Variants in NPAS3 observed in about 807,000 individuals in gnomAD.
The protein encoded by NPAS3 is neuronal PAS domain protein 3.
NPAS3 carries 14 observed loss-of-function variants against 73.1 expected under a neutral mutation model. The observed-to-expected ratio is 0.19, with a 90% confidence interval of 0.13 to 0.30. The LOEUF (loss-of-function observed/expected upper bound fraction) is 0.30, where lower values mean the gene tolerates loss of function less well. Among genes scored for constraint, NPAS3 ranks in the 10% least tolerant of loss-of-function variants. NPAS3 has a pLI of 1.00. For synonymous variants in NPAS3, 620 were observed against 541.5 expected, an observed-to-expected ratio of 1.14 and a Z score of -2.01; for missense variants, 1,096 against 1,250.0, an observed-to-expected ratio of 0.88 and a Z score of 1.86.
At chr14:32,962,710 GCAC>G (rs1249218969) in intron 1 of NPAS3, among the ~76,000 whole-genome samples, 1 of 150,346 alleles carries the variant, frequency 6.7e-6, no homozygotes, top group African/African-American at 2.4e-5. Flanking sequence ...TTACAGGCAT[GCAC>G]CATCATGCCT....
At chr14:33,145,837 A>G (rs1166594969) in intron 2 of NPAS3, among the ~76,000 whole-genome samples, 1 of 152,218 alleles carries the variant, frequency 6.6e-6, no homozygotes, top group Non-Finnish European at 1.5e-5. Flanking sequence ...GGGCCAGGGT[A>G]TAACCCAAGG....
At chr14:33,586,450 G>T (rs2056865523) in intron 5 of NPAS3, among the ~76,000 whole-genome samples, 1 of 152,014 alleles carries the variant, frequency 6.6e-6, no homozygotes, top group Non-Finnish European at 1.5e-5. Context: ...GAAAGATACT[G>T]TTGAATAAAG....
rs1349494224 is a variant in NPAS3 at position 33,799,705 on chromosome 14, C to T, written c.1427-29C>T. 31 of 1,547,092 alleles carry T rather than the reference C, an allele frequency of 2.0e-5. No homozygotes were observed. The South Asian group carries it at 2.1e-4, about 11-fold the overall frequency. On this transcript the variant is annotated intron_variant, in intron 11 of 11. Transcript: ENST00000356141. ...CTTCTCTCTCTTCTCTCTCCGCCCC[C>T]GCCACCGCCGGCCCCCCGCCCCACA...
Position 33,369,182 on chromosome 14 carries a change from C to T in NPAS3, c.468+1914C>T, listed in dbSNP as rs529480103. On this transcript the variant is annotated intron_variant, in intron 4 of 11. Coordinates refer to ENST00000356141, the Ensembl canonical transcript of NPAS3. The stretch of plus-strand genomic sequence containing the variant: ...CTAGAATGGGGCTGCAAGCTCGTTC[C>T]CATTTTGGATGGGTCACATTCAGAC... 2.6e-5 allele frequency among the ~76,000 whole-genome samples: 4 copies of T among 151,986 alleles called. No homozygotes were observed. In the South Asian group the frequency reaches 6.2e-4, roughly 24 times the overall value.
intron 4 of NPAS3, among the ~76,000 whole-genome samples, chr14:33,383,758 G>A (rs1332587001): frequency 3.9e-5 from 6 of 152,080 alleles, no homozygotes; most frequent in South Asian, 4.1e-4. Flanking sequence ...TCCAGCTTCC[G>A]GAAGTCTGGT....
Position 33,580,311 on chromosome 14 carries a change from G to A in NPAS3, c.558+20101G>A, listed in dbSNP as rs75926722. ...CAAAAGAAGCTGCCAAAGGTGTGAC[G>A]TAAAGCTGATATCTCTAATATGTTA... On this transcript the variant is annotated intron_variant, in intron 5 of 11. Transcript: ENST00000356141. Among the ~76,000 whole-genome samples, 245 of 152,214 alleles carry A rather than the reference G, an allele frequency of 1.6e-3. 6 individuals carry two copies. The East Asian group carries it at 0.037, about 23-fold the overall frequency.
chr14:33,177,073 T>TATG, intron 2 of NPAS3, among the ~76,000 whole-genome samples: 1 of 77,122 alleles, frequency 1.3e-5, no homozygotes, highest in African/African-American at 4.7e-5. Context: ...TTTATCTTTT[T>TATG]ATTATTATTA....
chr14:33,335,029 ATT>A (rs773256789), intron 3 of NPAS3, among the ~76,000 whole-genome samples: 2,173 of 73,768 alleles, frequency 0.029, 49 homozygotes, highest in African/African-American at 0.14. Context: ...GTGGTATTCC[ATT>A]GTGTGTGTGT....
At chr14:33,747,414 C>G (rs1256042349) in intron 7 of NPAS3, among the ~76,000 whole-genome samples, 1 of 152,220 alleles carries the variant, frequency 6.6e-6, no homozygotes, top group African/African-American at 2.4e-5. Flanking sequence ...GAGCTGATAG[C>G]TCCGTTGTAG....
chr14:33,711,344 T>C (rs2060812939), intron 6 of NPAS3, among the ~76,000 whole-genome samples: 1 of 152,196 alleles, frequency 6.6e-6, no homozygotes, highest in African/African-American at 2.4e-5. Context: ...TGTTAAGATT[T>C]CTGATACGCA....
At chr14:33,249,744 G>A (rs140849188) in intron 3 of NPAS3, among the ~76,000 whole-genome samples, 26 of 152,128 alleles carry the variant, frequency 1.7e-4, no homozygotes, top group Non-Finnish European at 2.4e-4. Context: ...TTGATGCTGC[G>A]TTTTAATGAT....
intron 2 of NPAS3, among the ~76,000 whole-genome samples, chr14:33,210,804 T>A (rs1194692436): frequency 1.3e-5 from 2 of 152,218 alleles, no homozygotes; most frequent in East Asian, 1.9e-4. Flanking sequence ...CACAAAAAAA[T>A]TTATAAATCT....
chr14:33,352,353 A>T (rs2045108006), intron 3 of NPAS3, among the ~76,000 whole-genome samples: 1 of 152,228 alleles, frequency 6.6e-6, no homozygotes, highest in Admixed American at 6.5e-5. Context: ...CGTCAAAAGC[A>T]TCTTGTCAGC....
intron 6 of NPAS3, among the ~76,000 whole-genome samples, chr14:33,685,117 G>A (rs184111425): frequency 6.6e-6 from 1 of 151,982 alleles, no homozygotes; most frequent in Non-Finnish European, 1.5e-5. Flanking sequence ...TTGATTGAAT[G>A]TCCACGACGT....
At chr14:32,954,705 AC>A (rs1209549638) in intron 1 of NPAS3, among the ~76,000 whole-genome samples, 2 of 151,696 alleles carry the variant, frequency 1.3e-5, no homozygotes, top group African/African-American at 4.8e-5. Context: ...GCCTTTTAAT[AC>A]CTCCCATAGA....
intron 4 of NPAS3, among the ~76,000 whole-genome samples, chr14:33,514,788 T>C (rs930013337): frequency 1.3e-5 from 2 of 152,088 alleles, no homozygotes; most frequent in South Asian, 4.2e-4. Flanking sequence ...TATAAACTAC[T>C]GGATAAATTA....
intron 3 of NPAS3, among the ~76,000 whole-genome samples, chr14:33,342,709 G>T (rs533552376): frequency 3.5e-3 from 531 of 151,686 alleles, no homozygotes; most frequent in Non-Finnish European, 5.3e-3. Context: ...TTGCTTTGGT[G>T]CATGCTTTAA....
intron 5 of NPAS3, among the ~76,000 whole-genome samples, chr14:33,618,142 C>G (rs74354290): frequency 2.0e-5 from 3 of 152,234 alleles, no homozygotes; most frequent in African/African-American, 7.2e-5. Context: ...TGTTTCAGGA[C>G]AGTGGTCCCC....
chr14:33,337,039 A>G (rs8016408), intron 3 of NPAS3, among the ~76,000 whole-genome samples: 3,626 of 152,000 alleles, frequency 0.024, 163 homozygotes, highest in African/African-American at 0.082. Context: ...TTGTGTTTTC[A>G]TTTTCTCAAA....
Sources: gnomAD v4.1 joint callset for allele counts (sites outside exome capture counted in the v4.1 genomes callset) on GRCh38, gnomAD v4.1.1 for gene constraint, MANE v1.5 for transcripts, NCBI Gene and HGNC (gene_info 2026-07-23, HGNC 2026-07-21) for gene names.